Variants in POU6F2 observed in about 807,000 individuals in gnomAD.
POU6F2 encodes the protein POU domain, class 6, transcription factor 2.
A neutral mutation model predicts 71.3 loss-of-function variants in POU6F2; 31 were observed. That is an observed-to-expected ratio of 0.43 (90% confidence interval 0.33 to 0.59). The LOEUF is 0.59. Among genes scored for constraint, POU6F2 ranks in the 20% least tolerant of loss-of-function variants. POU6F2 has a pLI of 0.04. For missense variants in POU6F2, 783 were observed against 856.8 expected (o/e 0.91, Z 1.07); for synonymous variants, 347 against 355.7 (o/e 0.98, Z 0.27).
chr7:39,130,405 A>C (rs534511370), intron 2 of POU6F2, among the ~76,000 whole-genome samples: 1 of 152,322 alleles, frequency 6.6e-6, no homozygotes, highest in African/African-American at 2.4e-5. Flanking sequence ...TGGGCCATCC[A>C]AATGACTTAG....
At chr7:39,132,719 A>T (rs1280576636) in intron 2 of POU6F2, 1 of 152,276 alleles carries the variant, frequency 6.6e-6, no homozygotes, top group African/African-American at 2.4e-5. Context: ...AAGTAGCCTG[A>T]AGCCTTTGGA....
intron 4 of POU6F2, among the ~76,000 whole-genome samples, chr7:39,271,497 A>G (rs1473585064): frequency 1.9e-4 from 3 of 15,604 alleles, no homozygotes; most frequent in African/African-American, 2.8e-4. Context: ...AATCAGTGAA[A>G]AAAAAAAAAA....
intron 6 of POU6F2, among the ~76,000 whole-genome samples, chr7:39,409,303 G>T (rs1787501537): frequency 6.6e-6 from 1 of 152,178 alleles, no homozygotes; most frequent in Non-Finnish European, 1.5e-5. Context: ...TGGAAAGCAT[G>T]TTTTACTCTA....
chr7:39,179,405 A>G (rs1322415716), intron 2 of POU6F2, among the ~76,000 whole-genome samples: 1 of 152,178 alleles, frequency 6.6e-6, no homozygotes, highest in Non-Finnish European at 1.5e-5. Flanking sequence ...TCTCCTAGCT[A>G]GGGTTGCTGT....
chr7:39,005,425 C>A (rs1293905306), intron 1 of POU6F2, among the ~76,000 whole-genome samples: 1 of 149,340 alleles, frequency 6.7e-6, no homozygotes, highest in Admixed American at 6.7e-5. Flanking sequence ...AGTAGGAAAA[C>A]GGAGGCTTTT....
intron 5 of POU6F2, among the ~76,000 whole-genome samples, chr7:39,383,753 A>G (rs980555090): frequency 6.6e-6 from 1 of 152,134 alleles, no homozygotes; most frequent in Non-Finnish European, 1.5e-5. Flanking sequence ...ATGAATTACC[A>G]TTTCTCTCTG....
chr7:39,397,814 G>GTGTATATATA (rs1554349981), intron 5 of POU6F2, among the ~76,000 whole-genome samples: 3 of 128,448 alleles, frequency 2.3e-5, no homozygotes, highest in African/African-American at 9.8e-5. Context: ...TATATTTTGT[G>GTGTATATATA]TATATATATA....
chr7:39,157,279 T>G (rs995924342), intron 2 of POU6F2, among the ~76,000 whole-genome samples: 1 of 152,140 alleles, frequency 6.6e-6, no homozygotes, highest in Non-Finnish European at 1.5e-5. Flanking sequence ...TCAATTTCAA[T>G]AAACAGATTA....
At chr7:39,017,784 T>G (rs1189115362) in intron 1 of POU6F2, among the ~76,000 whole-genome samples, 2 of 150,124 alleles carry the variant, frequency 1.3e-5, no homozygotes, top group Non-Finnish European at 3.0e-5. Context: ...TCCAAAATGT[T>G]TATTAAGCTC....
At chr7:39,447,668 A>G (rs1788555972) in intron 7 of POU6F2, among the ~76,000 whole-genome samples, 1 of 152,230 alleles carries the variant, frequency 6.6e-6, no homozygotes, top group Non-Finnish European at 1.5e-5. Context: ...CAATGTAATA[A>G]AACATCTGCC....
At chr7:39,348,217 AAAG>A (rs1383148688) in intron 5 of POU6F2, among the ~76,000 whole-genome samples, 1 of 149,880 alleles carries the variant, frequency 6.7e-6, no homozygotes, top group African/African-American at 2.4e-5. Context: ...GTATTTGGGT[AAAG>A]AAGAAGAATC....
intron 5 of POU6F2, among the ~76,000 whole-genome samples, chr7:39,353,833 AATT>A (rs1786197786): frequency 6.6e-6 from 1 of 152,210 alleles, no homozygotes; most frequent in Non-Finnish European, 1.5e-5. Flanking sequence ...AATTTATCTT[AATT>A]AGATCTGAAA....
At chr7:39,309,372 A>G (rs1208515304) in intron 4 of POU6F2, among the ~76,000 whole-genome samples, 1 of 152,180 alleles carries the variant, frequency 6.6e-6, no homozygotes, top group Non-Finnish European at 1.5e-5. Context: ...CCTTCTAATC[A>G]TTCAGTAGAG....
chr7:39,109,033 G>A (rs1791750227), intron 2 of POU6F2, among the ~76,000 whole-genome samples: 1 of 152,120 alleles, frequency 6.6e-6, no homozygotes, highest in South Asian at 2.1e-4. Flanking sequence ...TTAATTATTA[G>A]TTTTTGGTTT....
At chr7:39,307,685 T>C (rs1785073201) in intron 4 of POU6F2, among the ~76,000 whole-genome samples, 1 of 152,208 alleles carries the variant, frequency 6.6e-6, no homozygotes, top group Non-Finnish European at 1.5e-5. Flanking sequence ...TTATAAAAGT[T>C]ACAAGATTTA....
intron 4 of POU6F2, among the ~76,000 whole-genome samples, chr7:39,300,928 G>A (rs923264597): frequency 6.6e-6 from 1 of 152,132 alleles, no homozygotes; most frequent in Non-Finnish European, 1.5e-5. Context: ...ACTTTACCGG[G>A]AAACTCACTA....
At chr7:39,145,719 C>T (rs1792607813) in intron 2 of POU6F2, among the ~76,000 whole-genome samples, 1 of 152,072 alleles carries the variant, frequency 6.6e-6, no homozygotes, top group African/African-American at 2.4e-5. Flanking sequence ...ACTTCTCACC[C>T]CTTTCTCAGA....
intron 2 of POU6F2, among the ~76,000 whole-genome samples, chr7:39,166,729 T>G (rs1053346981): frequency 2.0e-5 from 3 of 152,170 alleles, no homozygotes; most frequent in African/African-American, 7.2e-5. Flanking sequence ...TAATGGATCC[T>G]GTCCAACTGC....
chr7:38,991,387 G>A (rs1472687016), intron 1 of POU6F2, among the ~76,000 whole-genome samples: 1 of 152,040 alleles, frequency 6.6e-6, no homozygotes, highest in Non-Finnish European at 1.5e-5. Context: ...CAACCAAATT[G>A]GTTTGCTAGC....
Sources: gnomAD v4.1 joint callset for allele counts (sites outside exome capture counted in the v4.1 genomes callset) on GRCh38, gnomAD v4.1.1 for gene constraint, MANE v1.5 for transcripts, NCBI Gene and HGNC (gene_info 2026-07-23, HGNC 2026-07-21) for gene names.